Variants in RNF38 observed in about 807,000 individuals in gnomAD.
RNF38 encodes E3 ubiquitin-protein ligase RNF38.
In RNF38, 15 loss-of-function variants were observed where a neutral mutation model predicts 67.2. That is an observed-to-expected ratio of 0.22 (90% CI 0.15 to 0.34). RNF38 has a LOEUF of 0.34. Among genes scored for constraint, RNF38 ranks in the 10% least tolerant of loss-of-function variants. The probability of loss-of-function intolerance (pLI) is 1.00; values close to 1 mark genes in which losing one functional copy is unlikely to be tolerated. For missense variants in RNF38, 524 were observed against 639.9 expected, an observed-to-expected ratio of 0.82 and a Z score of 1.95; for synonymous variants, 220 against 218.8, an observed-to-expected ratio of 1.01 and a Z score of -0.05.
chr9:36,396,631 T>C (rs924086066), intron 1 of RNF38, among the ~76,000 whole-genome samples: 2 of 152,050 alleles, frequency 1.3e-5, no homozygotes, highest in Non-Finnish European at 2.9e-5. Context: ...CAAACAGGAA[T>C]GGGACTGTGC....
At chr9:36,441,421 G>C (rs2134299267) in intron 1 of RNF38, among the ~76,000 whole-genome samples, 1 of 151,856 alleles carries the variant, frequency 6.6e-6, no homozygotes, top group East Asian at 1.9e-4. Context: ...CCGCCTCCTG[G>C]GTTCACACGA....
intron 1 of RNF38, among the ~76,000 whole-genome samples, chr9:36,391,350 C>T (rs1485654227): frequency 6.6e-6 from 1 of 151,728 alleles, no homozygotes; most frequent in Non-Finnish European, 1.5e-5. Context: ...TGGGTTAATC[C>T]TCTTAAATTC....
intron 1 of RNF38, among the ~76,000 whole-genome samples, chr9:36,476,519 CTT>C (rs67780076): frequency 0.029 from 2,727 of 94,122 alleles, 34 homozygotes; most frequent in Non-Finnish European, 0.041. Context: ...ATCGGGCAAT[CTT>C]TTTTTTTTTT....
intron 1 of RNF38, among the ~76,000 whole-genome samples, chr9:36,452,877 T>C (rs1261381841): frequency 6.6e-6 from 1 of 152,212 alleles, no homozygotes; most frequent in African/African-American, 2.4e-5. Flanking sequence ...TGTATGGGCA[T>C]ACTAATTTTT....
chr9:36,425,137 T>C (rs1838735623), intron 1 of RNF38, among the ~76,000 whole-genome samples: 1 of 152,228 alleles, frequency 6.6e-6, no homozygotes, highest in Non-Finnish European at 1.5e-5. Flanking sequence ...CTTTAAATGT[T>C]TTTATTATTT....
At position 36,383,481 on chromosome 9, in the gene RNF38, C is replaced by T. The variant is rs536566138; in HGVS notation, c.162+6986G>A. On this transcript the variant is annotated intron_variant, in intron 2 of 11. Transcript: ENST00000259605. The stretch of plus-strand genomic sequence containing the variant: ...CTGGGATTATAAGCATGAGCCACCA[C>T]GGCCGGCCTAAATGTGTTTCTATTA... Among the ~76,000 whole-genome samples the T allele has an allele frequency of 2.8e-4, 42 of 152,310 alleles. 1 individual carries two copies. Among genetic ancestry groups the T allele is most frequent in the Admixed American group, 1.3e-3 (20 of 15,284 alleles).
rs1564005988 is a variant in RNF38, at chr9:36,357,764, T to TA, written c.738+10dup. On this transcript the variant is annotated intron_variant, in intron 5 of 11. Transcript: ENST00000259605. ...TAGTAATATCTAATGAGAACAAAGA[T>TA]AGAGACTTACTGGAGGAGGCACACT... 6.2e-7 allele frequency: 1 copy of TA among 1,611,462 alleles called. No individual in the cohort carries two copies. Among genetic ancestry groups the TA allele is most frequent in the Non-Finnish European group, 8.5e-7 (1 of 1,178,272 alleles).
intron 1 of RNF38, among the ~76,000 whole-genome samples, chr9:36,485,205 A>G (rs1962524): frequency 0.71 from 108,033 of 152,000 alleles, 38,648 homozygotes; most frequent in African/African-American, 0.74. Context: ...AAATAAAAAT[A>G]TATGTAGTCT....
At chr9:36,463,396 G>T (rs954844190) in intron 1 of RNF38, among the ~76,000 whole-genome samples, 1 of 152,116 alleles carries the variant, frequency 6.6e-6, no homozygotes, top group Non-Finnish European at 1.5e-5. Flanking sequence ...ATCACTCACA[G>T]GAATGCAGGA....
chr9:36,454,402 T>C (rs1839534163), intron 1 of RNF38, among the ~76,000 whole-genome samples: 1 of 152,100 alleles, frequency 6.6e-6, no homozygotes, highest in Admixed American at 6.6e-5. Context: ...GTGCTGGGGT[T>C]ACAGGCATGA....
chr9:36,407,841 ATTCTT>A (rs1470471074), intron 2 of RNF38, among the ~76,000 whole-genome samples: 1 of 152,212 alleles, frequency 6.6e-6, no homozygotes, highest in Non-Finnish European at 1.5e-5. Flanking sequence ...GATCTAGGTT[ATTCTT>A]TTCAACAAAG....
chr9:36,359,986 C>G (rs899014217), intron 4 of RNF38, among the ~76,000 whole-genome samples: 1 of 151,896 alleles, frequency 6.6e-6, no homozygotes, highest in Non-Finnish European at 1.5e-5. Flanking sequence ...CTCAGATGAT[C>G]TGCCTGCCTC....
intron 1 of RNF38, among the ~76,000 whole-genome samples, chr9:36,448,198 T>A (rs1398710722): frequency 6.6e-6 from 1 of 152,168 alleles, no homozygotes; most frequent in Non-Finnish European, 1.5e-5. Context: ...ACCAACCATA[T>A]CCCTGCAGCC....
chr9:36,346,504 A>G (rs1326175890), intron 9 of RNF38, among the ~76,000 whole-genome samples: 1 of 152,090 alleles, frequency 6.6e-6, no homozygotes, highest in Non-Finnish European at 1.5e-5. Context: ...TATTATGCTT[A>G]TTGATTTTAC....
At chr9:36,342,527 C>A (rs1832926390) in intron 10 of RNF38, 103 bp from the exon 11 acceptor site, 2 of 751,538 alleles carry the variant, frequency 2.7e-6, no homozygotes, top group Non-Finnish European at 4.5e-6. Context: ...CAAAACGTCA[C>A]TTAAATTTTT....
chr9:36,406,683 A>G (rs1407278354), intron 2 of RNF38, among the ~76,000 whole-genome samples: 1 of 152,236 alleles, frequency 6.6e-6, no homozygotes, highest in Non-Finnish European at 1.5e-5. Context: ...GGCTGATTCT[A>G]CGTTTCTCGC....
At chr9:36,356,223 T>C in intron 6 of RNF38, 80 bp downstream of exon 6, 1 of 1,361,128 alleles carries the variant, frequency 7.3e-7, no homozygotes, top group Non-Finnish European at 1.0e-6. Context: ...ACTAAGGTTA[T>C]ATACCTGGCC....
At position 36,338,337 on chromosome 9, in the gene RNF38, C is replaced by A. The variant is rs1342349810; in HGVS notation, c.*1415G>T. 6.6e-6 allele frequency: 1 copy of A among 152,168 alleles called. No homozygotes were observed. Among genetic ancestry groups the A allele is most frequent in the African/African-American group, 2.4e-5 (1 of 41,440 alleles). The allele number at this position is 152,168 out of a possible 1,614,324, so 9.4% of individuals were successfully genotyped here. On this transcript the variant is annotated 3_prime_UTR_variant, in exon 12 of 12. Coordinates refer to ENST00000259605, the MANE Select transcript of RNF38 (RefSeq NM_022781.5). Reference sequence around the variant, plus strand: ...TTTTTTTATACAAAAACCAAATCTTCATTTATACTGCAAGTATTCTGGACA... The same window carrying A: ...TTTTTTTATACAAAAACCAAATCTTAATTTATACTGCAAGTATTCTGGACA...
chr9:36,479,359 G>A (rs533791828), intron 1 of RNF38, among the ~76,000 whole-genome samples: 7 of 152,216 alleles, frequency 4.6e-5, no homozygotes, highest in Non-Finnish European at 8.8e-5. Flanking sequence ...AAGAGGAACT[G>A]GAGCCACTAT....
Sources: allele counts gnomAD v4.1 joint callset (sites outside exome capture counted in the v4.1 genomes callset), GRCh38; gene constraint gnomAD v4.1.1; transcripts MANE v1.5; gene names NCBI Gene and HGNC (gene_info 2026-07-23, HGNC 2026-07-21).